Variants in PPP1R1C observed in about 807,000 individuals in gnomAD.
PPP1R1C encodes the protein protein phosphatase 1 regulatory inhibitor subunit 1C.
In PPP1R1C, 15 loss-of-function variants were observed where a neutral mutation model predicts 17.4. The ratio of observed to expected loss-of-function variants is 0.86; its 90% confidence interval spans 0.58 to 1.33. PPP1R1C has a LOEUF of 1.33. Among genes scored for constraint, PPP1R1C ranks in the 40% most tolerant of loss-of-function variants. The pLI, the probability that PPP1R1C is intolerant of heterozygous loss-of-function variation, is 0.00. For synonymous variants in PPP1R1C, 35 were observed against 43.1 expected, an observed-to-expected ratio of 0.81 and a Z score of 0.73; for missense variants, 143 against 130.0, an observed-to-expected ratio of 1.10 and a Z score of -0.48.
chr2:182,129,950 A>T (rs1240906675), exon 6 of PPP1R1C: 1 of 152,162 alleles, frequency 6.6e-6, no homozygotes, highest in African/African-American at 2.4e-5. Context: ...TCAAACTAAG[A>T]TGACTTATAA....
intron 1 of PPP1R1C, chr2:181,954,732 G>A (rs1473377919): frequency 6.6e-6 from 1 of 152,110 alleles, no homozygotes; most frequent in South Asian, 2.1e-4. Context: ...CAGGAGCTGG[G>A]CTCTGGCAGT....
intron 4 of PPP1R1C, among the ~76,000 whole-genome samples, chr2:182,105,306 T>G (rs1174230741): frequency 6.6e-6 from 1 of 152,096 alleles, no homozygotes; most frequent in African/African-American, 2.4e-5. Context: ...TAGAGTAGAT[T>G]TTTCAGGAAA....
At position 181,961,902 on chromosome 2, in the gene PPP1R1C, A is replaced by T; in HGVS notation, n.111+7268A>T. ...CTGTCTCCAGTGGCAGCCAAGTGAC[A>T]TTGGTCATCAGTGACCTTGTGGAGC... On this transcript the variant is annotated intron_variant and non_coding_transcript_variant, in intron 1 of 5. Transcript: ENST00000464264. The surrounding 1 kb of genome is among the most constrained non-coding windows in gnomAD (Gnocchi z 5.8). 1.3e-6 allele frequency: 1 copy of T among 758,460 alleles called. No individual in the cohort carries two copies. The highest frequency in any genetic ancestry group is 2.4e-6 in the Non-Finnish European group (1 of 418,226). The allele number at this position is 758,460 out of a possible 1,614,324, so 47.0% of individuals were successfully genotyped here.
chr2:182,076,362 T>C (rs1290479066), intron 4 of PPP1R1C, among the ~76,000 whole-genome samples: 1 of 121,534 alleles, frequency 8.2e-6, no homozygotes, highest in Non-Finnish European at 1.5e-5. Flanking sequence ...GCCCGACTAA[T>C]TTTTTTTTTT....
intron 2 of PPP1R1C, among the ~76,000 whole-genome samples, chr2:182,055,701 C>T (rs1687663010): frequency 6.6e-6 from 1 of 152,176 alleles, no homozygotes; most frequent in South Asian, 2.1e-4. Context: ...TGTGCTGCTT[C>T]CTTCTGGCTT....
chr2:182,050,093 C>T (rs1012734057), intron 2 of PPP1R1C, among the ~76,000 whole-genome samples: 2 of 152,134 alleles, frequency 1.3e-5, no homozygotes, highest in African/African-American at 4.8e-5. Flanking sequence ...ATAATTTATC[C>T]TATTTTTATA....
chr2:182,057,577 G>A (rs1687724326), intron 2 of PPP1R1C, among the ~76,000 whole-genome samples: 1 of 152,066 alleles, frequency 6.6e-6, no homozygotes, highest in South Asian at 2.1e-4. Flanking sequence ...AGTAAATCAA[G>A]GTAAAGTGCT....
At chr2:181,977,688 G>A (rs1685117892) in intron 2 of PPP1R1C, among the ~76,000 whole-genome samples, 1 of 152,124 alleles carries the variant, frequency 6.6e-6, no homozygotes, top group Non-Finnish European at 1.5e-5. Flanking sequence ...TTGGAGGCCA[G>A]CAACCATTTT....
chr2:182,030,972 T>A (rs1686812015), intron 2 of PPP1R1C: 1 of 153,968 alleles, frequency 6.5e-6, no homozygotes. Flanking sequence ...AGTGACCCGA[T>A]TTCCCAGGTG....
intron 4 of PPP1R1C, among the ~76,000 whole-genome samples, chr2:182,107,402 C>G (rs1294066687): frequency 6.6e-6 from 1 of 152,126 alleles, no homozygotes; most frequent in Non-Finnish European, 1.5e-5. Context: ...TTCAAGCATT[C>G]TTGTCTGAGA....
At chr2:182,079,847 C>T (rs923226269) in intron 4 of PPP1R1C, among the ~76,000 whole-genome samples, 1 of 152,116 alleles carries the variant, frequency 6.6e-6, no homozygotes, top group African/African-American at 2.4e-5. Context: ...GAGTGGAACT[C>T]GTTTCTGTCT....
intron 2 of PPP1R1C, among the ~76,000 whole-genome samples, chr2:182,055,621 T>C (rs1341617914): frequency 6.6e-6 from 1 of 152,214 alleles, no homozygotes; most frequent in Non-Finnish European, 1.5e-5. Context: ...CTTTCATTCC[T>C]AAAGGATGAT....
intron 4 of PPP1R1C, among the ~76,000 whole-genome samples, chr2:182,073,031 C>T (rs1688184810): frequency 6.6e-6 from 1 of 152,208 alleles, no homozygotes; most frequent in South Asian, 2.1e-4. Context: ...CTTCTTTTTT[C>T]CATGCTGCAG....
rs139260736 is a variant in PPP1R1C, at chr2:181,959,218, G to A, written n.111+4584G>A. 5.9e-3 allele frequency among the ~76,000 whole-genome samples: 898 copies of A among 152,224 alleles called. 13 individuals carry two copies. Among genetic ancestry groups the A allele is most frequent in the African/African-American group, 0.02 (838 of 41,524 alleles). On this transcript the variant is annotated intron_variant and non_coding_transcript_variant, in intron 1 of 5. Coordinates refer to the PPP1R1C transcript ENST00000464264. ...AACTGTCAGTAAATTGAAAACCTAC[G>A]ATTAAGAATTTTGTAGAAATTTCCC...
intron 2 of PPP1R1C, among the ~76,000 whole-genome samples, chr2:182,020,637 G>C (rs1247894994): frequency 6.6e-6 from 1 of 151,952 alleles, no homozygotes; most frequent in Non-Finnish European, 1.5e-5. Context: ...TTCCATAAGG[G>C]GTTTAAAGTC....
chr2:182,039,190 G>GATGAGAAAT (rs1438248192), intron 2 of PPP1R1C, among the ~76,000 whole-genome samples: 3 of 152,160 alleles, frequency 2.0e-5, no homozygotes, highest in African/African-American at 7.2e-5. Context: ...TTTCCACTAG[G>GATGAGAAAT]ATGAGAAATA....
intron 2 of PPP1R1C, among the ~76,000 whole-genome samples, chr2:182,047,521 C>T (rs1687382937): frequency 1.3e-5 from 2 of 152,130 alleles, no homozygotes; most frequent in African/African-American, 4.8e-5. Context: ...GCTGTTTAAA[C>T]TGATGTCATC....
chr2:182,064,477 G>A (rs1033166769), intron 4 of PPP1R1C, among the ~76,000 whole-genome samples: 1 of 152,018 alleles, frequency 6.6e-6, no homozygotes, highest in African/African-American at 2.4e-5. Flanking sequence ...TGCTTGGGCT[G>A]TGGGCCCAGT....
intron 4 of PPP1R1C, among the ~76,000 whole-genome samples, chr2:182,081,893 A>C (rs997575831): frequency 6.6e-6 from 1 of 152,230 alleles, no homozygotes; most frequent in Non-Finnish European, 1.5e-5. Flanking sequence ...ATAAAAAGTC[A>C]TAAATATCAG....
Sources: allele counts gnomAD v4.1 joint callset (sites outside exome capture counted in the v4.1 genomes callset), GRCh38; gene constraint gnomAD v4.1.1; non-coding constraint Gnocchi (gnomAD v3.1); transcripts MANE v1.5; gene names NCBI Gene and HGNC (gene_info 2026-07-23, HGNC 2026-07-21).